TBC1D5: variants seen among roughly 807,000 people sequenced by gnomAD.
The protein encoded by TBC1D5 is TBC1 domain family member 5.
TBC1D5 carries 75 observed loss-of-function variants against 100.3 expected under a neutral mutation model. The ratio of observed to expected loss-of-function variants is 0.75; its 90% CI spans 0.62 to 0.91. The LOEUF is 0.91. Among genes scored for constraint, TBC1D5 ranks in the 40% least tolerant of loss-of-function variants. TBC1D5 has a pLI of 0.00. For missense variants in TBC1D5, 910 were observed against 942.4 expected, an observed-to-expected ratio of 0.97 and a Z score of 0.45; for synonymous variants, 323 against 325.6, an observed-to-expected ratio of 0.99 and a Z score of 0.09.
At chr3:17,231,321 T>G (rs1281181476) in intron 17 of TBC1D5, among the ~76,000 whole-genome samples, 1 of 152,140 alleles carries the variant, frequency 6.6e-6, no homozygotes, top group Non-Finnish European at 1.5e-5. Context: ...TTTTTTTTGG[T>G]GTGTGATTGC....
At chr3:17,633,870 T>C (rs1027391429) in intron 1 of TBC1D5, among the ~76,000 whole-genome samples, 1 of 152,184 alleles carries the variant, frequency 6.6e-6, no homozygotes, top group Admixed American at 6.5e-5. Flanking sequence ...TTACTATTCC[T>C]GGGAATAGTT....
At chr3:17,528,696 T>C (rs572586815) in intron 2 of TBC1D5, among the ~76,000 whole-genome samples, 6 of 152,284 alleles carry the variant, frequency 3.9e-5, no homozygotes, top group Non-Finnish European at 7.4e-5. Context: ...CACGACCCTC[T>C]TAATATATAC....
chr3:17,346,567 AT>A (rs1161605543), intron 13 of TBC1D5, among the ~76,000 whole-genome samples: 1 of 152,120 alleles, frequency 6.6e-6, no homozygotes, highest in East Asian at 1.9e-4. Flanking sequence ...CCCATGATAT[AT>A]TGAACATTTT....
chr3:17,677,696 C>A (rs2068829384), intron 1 of TBC1D5, among the ~76,000 whole-genome samples: 1 of 152,116 alleles, frequency 6.6e-6, no homozygotes, highest in Non-Finnish European at 1.5e-5. Context: ...CACATGCACA[C>A]GTATGTTTAT....
chr3:17,701,687 T>C (rs772632301), intron 1 of TBC1D5, among the ~76,000 whole-genome samples: 25 of 152,034 alleles, frequency 1.6e-4, no homozygotes, highest in African/African-American at 2.9e-4. Flanking sequence ...TAAATAATCG[T>C]TGAAATTTTT....
chr3:17,728,643 T>C (rs959659095), intron 1 of TBC1D5, among the ~76,000 whole-genome samples: 2 of 151,970 alleles, frequency 1.3e-5, no homozygotes, highest in African/African-American at 2.4e-5. Flanking sequence ...GGTAACTTAA[T>C]AAATTATGCT....
chr3:17,401,337 A>ATG lies in TBC1D5; in HGVS notation c.509+1842_509+1843dup, dbSNP rs1553729288. On this transcript the variant is annotated intron_variant, in intron 8 of 21. Coordinates refer to ENST00000253692, the Ensembl canonical transcript of TBC1D5. Reference sequence around the variant, plus strand: ...ATATGTATGTGTATAATATACATATATGTATAATATACATATATATGTATG... The same window carrying ATG: ...ATATGTATGTGTATAATATACATATATGTGTATAATATACATATATATGTATG... Among the ~76,000 whole-genome samples, 2 of 21,810 alleles carry ATG rather than the reference A, an allele frequency of 9.2e-5. 1 individual carries two copies. Among genetic ancestry groups the ATG allele is most frequent in the Non-Finnish European group, 1.5e-4 (2 of 13,480 alleles). 14.3% of individuals were successfully genotyped at this position (21,810 alleles called of 152,430 possible).
intron 8 of TBC1D5, among the ~76,000 whole-genome samples, chr3:17,394,445 G>A (rs2093442511): frequency 1.3e-5 from 2 of 151,950 alleles, no homozygotes; most frequent in African/African-American, 2.4e-5. Flanking sequence ...GTCTTTCTGA[G>A]CTTCAACTTT....
intron 1 of TBC1D5, among the ~76,000 whole-genome samples, chr3:17,624,824 C>T (rs1435540805): frequency 6.6e-6 from 1 of 151,968 alleles, no homozygotes; most frequent in African/African-American, 2.4e-5. Flanking sequence ...TTTTTCTTCT[C>T]GGATACTTAA....
intron 1 of TBC1D5, among the ~76,000 whole-genome samples, chr3:17,731,964 G>C (rs1300487850): frequency 1.3e-5 from 2 of 152,180 alleles, no homozygotes; most frequent in Non-Finnish European, 2.9e-5. Context: ...TTATCCAGTA[G>C]GCAATCAGAT....
intron 17 of TBC1D5, among the ~76,000 whole-genome samples, chr3:17,225,161 G>A (rs978331909): frequency 2.0e-5 from 3 of 152,032 alleles, no homozygotes; most frequent in Admixed American, 1.3e-4. Flanking sequence ...ATAACAGGCC[G>A]GACGCGGTGG....
chr3:17,537,775 G>A (rs2096297817), intron 2 of TBC1D5, among the ~76,000 whole-genome samples: 1 of 152,122 alleles, frequency 6.6e-6, no homozygotes, highest in Admixed American at 6.5e-5. Context: ...TCCATTATAT[G>A]TATATACCAC....
At chr3:17,217,693 T>C (rs2073818589) in intron 17 of TBC1D5, among the ~76,000 whole-genome samples, 1 of 152,096 alleles carries the variant, frequency 6.6e-6, no homozygotes, top group African/African-American at 2.4e-5. Context: ...TATTCAAATC[T>C]TTTGCCCATT....
intron 1 of TBC1D5, among the ~76,000 whole-genome samples, chr3:17,700,905 T>A (rs1275599925): frequency 3.9e-5 from 6 of 152,164 alleles, no homozygotes; most frequent in Non-Finnish European, 8.8e-5. Context: ...GTTCAACCAT[T>A]GTGGAAGACA....
chr3:17,635,236 G>A (rs1284788697), intron 1 of TBC1D5, among the ~76,000 whole-genome samples: 4 of 152,086 alleles, frequency 2.6e-5, no homozygotes, highest in African/African-American at 7.2e-5. Flanking sequence ...TATTGAGTTT[G>A]AGATGACACT....
intron 19 of TBC1D5, among the ~76,000 whole-genome samples, chr3:17,168,513 C>T (rs62248247): frequency 1.3e-5 from 2 of 152,124 alleles, no homozygotes; most frequent in African/African-American, 4.8e-5. Flanking sequence ...GTTAAACACT[C>T]AGTGGTCCTT....
At chr3:17,440,917 T>C (rs532047754) in intron 3 of TBC1D5, among the ~76,000 whole-genome samples, 1 of 152,176 alleles carries the variant, frequency 6.6e-6, no homozygotes, top group African/African-American at 2.4e-5. Context: ...GCTGGGATTA[T>C]GGTCATGAGC....
At chr3:17,462,038 A>G (rs2095220753) in intron 3 of TBC1D5, among the ~76,000 whole-genome samples, 1 of 152,174 alleles carries the variant, frequency 6.6e-6, no homozygotes, top group African/African-American at 2.4e-5. Context: ...TGTTTCAAAA[A>G]AAATATGTTT....
At chr3:17,251,431 C>G (rs908107605) in intron 16 of TBC1D5, among the ~76,000 whole-genome samples, 2 of 139,232 alleles carry the variant, frequency 1.4e-5, no homozygotes, top group African/African-American at 5.1e-5. Flanking sequence ...GGGAACCCCC[C>G]CCCCCCCAGT....
Sources: allele counts gnomAD v4.1 joint callset (sites outside exome capture counted in the v4.1 genomes callset), GRCh38; gene constraint gnomAD v4.1.1; transcripts MANE v1.5; gene names NCBI Gene and HGNC (gene_info 2026-07-23, HGNC 2026-07-21).